PDXDC1: variants seen among roughly 807,000 people sequenced by gnomAD.
The protein encoded by PDXDC1 is pyridoxal-dependent decarboxylase domain-containing protein 1.
Under a neutral mutation model 100.1 loss-of-function variants are expected in PDXDC1, and 42 were observed. That is an observed-to-expected ratio of 0.42 (90% CI 0.33 to 0.54). The LOEUF (loss-of-function observed/expected upper bound fraction) is 0.54. Among genes scored for constraint, PDXDC1 ranks in the 20% least tolerant of loss-of-function variants. PDXDC1 has a pLI of 0.10. For synonymous variants in PDXDC1, 260 were observed against 371.7 expected (o/e 0.70, Z 3.46); for missense variants, 636 against 979.2 (o/e 0.65, Z 4.68).
At chr16:15,061,763 A>G in intron 16 of PDXDC1, 2 of 1,613,502 alleles carry the variant, frequency 1.2e-6, no homozygotes, top group Non-Finnish European at 1.7e-6. Context: ...ACTGGGTTGC[A>G]TGTACAACAC....
rs1368923797 is a variant in PDXDC1 at position 15,028,117 on chromosome 16, C to T, written c.1205-761C>T. On this transcript the variant is annotated intron_variant, in intron 14 of 22. Coordinates refer to ENST00000396410, the MANE Select transcript of PDXDC1 (RefSeq NM_015027.4). Reference sequence around the variant, plus strand: ...CCCATGAGGCCTGCACACTCTGCCCCGAATTCGCTTCTGCCTTCCCCCCTT... The same window carrying T: ...CCCATGAGGCCTGCACACTCTGCCCTGAATTCGCTTCTGCCTTCCCCCCTT... Among the ~76,000 whole-genome samples, 79 of 152,372 alleles carry T rather than the reference C, an allele frequency of 5.2e-4. No homozygotes were observed. The Middle Eastern group carries it at 0.014, about 26-fold the overall frequency.
At chr16:15,076,592 C>G in intron 16 of PDXDC1, 1 of 1,613,366 alleles carries the variant, frequency 6.2e-7, no homozygotes, top group Non-Finnish European at 8.5e-7. Context: ...ATCTGTCCCA[C>G]CACAAGTTTG....
chr16:15,043,981 A>G (rs2043941427), intron 16 of PDXDC1, among the ~76,000 whole-genome samples: 1 of 152,170 alleles, frequency 6.6e-6, no homozygotes, highest in South Asian at 2.1e-4. Context: ...ATTTGCTAAT[A>G]GGGAAAAAAT....
chr16:15,094,254 G>A lies in PDXDC1; in HGVS notation c.1400-44625G>A, dbSNP rs546194787. ...GCCATTGGGCCGAACTAACGCGACC[G>A]CTGCGCCTCAGGCCGGATGCCCAGC... On this transcript the variant is annotated intron_variant, in intron 16 of 16. Transcript: ENST00000535621. 16 of 1,546,942 alleles carry A rather than the reference G, an allele frequency of 1.0e-5. No individual in the cohort carries two copies. The African/African-American group carries it at 1.5e-4, about 14-fold the overall frequency.
At chr16:15,127,847 A>C in intron 16 of PDXDC1, 9 of 1,564,940 alleles carry the variant, frequency 5.8e-6, no homozygotes, top group Non-Finnish European at 6.9e-6. Flanking sequence ...AAGAAGCCGC[A>C]CTGCAGCTCA....
At chr16:15,038,714 A>G (rs778357830), downstream of PDXDC1, 10 of 1,288,556 alleles carry the variant, frequency 7.8e-6, no homozygotes, top group African/African-American at 4.4e-5. Flanking sequence ...CAAGGATAGA[A>G]TTTCAGGAAT....
chr16:14,993,502 A>G (rs1284152885), intron 1 of PDXDC1, among the ~76,000 whole-genome samples: 1 of 152,282 alleles, frequency 6.6e-6, no homozygotes, highest in African/African-American at 2.4e-5. Flanking sequence ...ATAGTATTCC[A>G]TGGTGTATAT....
chr16:15,100,643 A>ATT (rs2046510384), intron 16 of PDXDC1, among the ~76,000 whole-genome samples: 1 of 152,178 alleles, frequency 6.6e-6, no homozygotes, highest in Non-Finnish European at 1.5e-5. Flanking sequence ...ATGTTGCCAA[A>ATT]TGTCCCTGGG....
At chr16:15,015,163 C>T (rs375854742) in intron 8 of PDXDC1, among the ~76,000 whole-genome samples, 1 of 152,220 alleles carries the variant, frequency 6.6e-6, no homozygotes, top group Non-Finnish European at 1.5e-5. Flanking sequence ...GGATGGTCTC[C>T]ATCTCCTGAC....
chr16:15,104,640 T>G, intron 16 of PDXDC1: 1 of 1,598,168 alleles, frequency 6.3e-7, no homozygotes, highest in African/African-American at 1.3e-5. Context: ...AGTTATAGAA[T>G]GTTGTTGAGT....
downstream of PDXDC1, chr16:15,040,309 T>C: frequency 4.9e-6 from 2 of 407,002 alleles, no homozygotes; most frequent in Admixed American, 8.7e-5. Flanking sequence ...AAGAGCTGCT[T>C]TCCACATGGG....
intron 16 of PDXDC1, chr16:15,044,633 T>C: frequency 1.7e-6 from 1 of 580,358 alleles, no homozygotes; most frequent in Non-Finnish European, 3.1e-6. Context: ...GGGATCCGTA[T>C]CTGAACACAA....
At chr16:14,985,140 G>T (rs56333702) in intron 1 of PDXDC1, among the ~76,000 whole-genome samples, 32,766 of 145,344 alleles carry the variant, frequency 0.23, 352 homozygotes, top group African/African-American at 0.35. Context: ...GCCTCCCAAA[G>T]TGCTGGGATT....
At chr16:15,075,664 A>G (rs1224495716) in intron 16 of PDXDC1, among the ~76,000 whole-genome samples, 3 of 152,154 alleles carry the variant, frequency 2.0e-5, no homozygotes, top group Non-Finnish European at 4.4e-5. Flanking sequence ...CCACCAGTGA[A>G]ATTTAAAATA....
At chr16:15,147,924 A>G in the PDXDC1 span, among the ~76,000 whole-genome samples, 2 of 151,662 alleles carry the variant, frequency 1.3e-5, no homozygotes, top group Admixed American at 1.3e-4. Flanking sequence ...TGACCTTGTG[A>G]TCCCCCCACC....
At chr16:15,052,579 A>G (rs922626160) in intron 16 of PDXDC1, among the ~76,000 whole-genome samples, 1 of 152,230 alleles carries the variant, frequency 6.6e-6, no homozygotes, top group Non-Finnish European at 1.5e-5. Flanking sequence ...TCACGCCTGT[A>G]ATCCCAGCAC....
At chr16:15,005,304 C>CAAAAAAAAAAA (rs74858191) in intron 5 of PDXDC1, among the ~76,000 whole-genome samples, 1 of 54,682 alleles carries the variant, frequency 1.8e-5, no homozygotes. Flanking sequence ...GACTCTGTCT[C>CAAAAAAAAAAA]AAAAAAAAAA....
intron 16 of PDXDC1, among the ~76,000 whole-genome samples, chr16:15,048,379 T>C (rs1008242944): frequency 1.3e-5 from 2 of 152,120 alleles, no homozygotes; most frequent in African/African-American, 4.8e-5. Context: ...ATTATAGTTT[T>C]TTGTTTGTTT....
downstream of PDXDC1, among the ~76,000 whole-genome samples, chr16:15,144,160 G>A (rs1241661525): frequency 1.3e-5 from 2 of 152,148 alleles, no homozygotes; most frequent in Admixed American, 1.3e-4. Flanking sequence ...CCGAGAGCAG[G>A]CCCAGGGTGA....
Sources: gnomAD v4.1 joint callset for allele counts (sites outside exome capture counted in the v4.1 genomes callset) on GRCh38, gnomAD v4.1.1 for gene constraint, MANE v1.5 for transcripts, NCBI Gene and HGNC (gene_info 2026-07-23, HGNC 2026-07-21) for gene names.